Variants in ZC3H13 observed in about 807,000 individuals in gnomAD.
The protein encoded by ZC3H13 is zinc finger CCCH-type containing 13, also known as zinc finger CCCH domain-containing protein 13.
A neutral mutation model predicts 204.1 loss-of-function variants in ZC3H13; 64 were observed. The observed-to-expected ratio is 0.31, with a 90% confidence interval of 0.26 to 0.39. The LOEUF (loss-of-function observed/expected upper bound fraction) is 0.39. ZC3H13 is among the 10% of genes least tolerant of loss of function. The pLI, the probability that ZC3H13 is intolerant of heterozygous loss-of-function variation, is 1.00. For missense variants in ZC3H13, 1,833 were observed against 2,082.7 expected, an observed-to-expected ratio of 0.88 and a Z score of 2.33; for synonymous variants, 667 against 693.7, an observed-to-expected ratio of 0.96 and a Z score of 0.60.
rs138601991 is a variant in ZC3H13 at position 45,988,994 on chromosome 13, G to A, written c.1048C>T (p.Arg350Cys). The change falls in exon 9 of 19, where the codon CGT (arginine) becomes TGT (cysteine). Residue 350 changes from arginine (R) to cysteine (C), a missense_variant. Arg to Cys is a radical substitution (Grantham distance 180). Coordinates refer to ENST00000679008, the MANE Select transcript of ZC3H13 (RefSeq NM_001330564.2). ...SSIQRHSPSP[R>C]RKRTPSPSYQ... ...GATGGTGAAGGAGTTCTTTTTCGAC[G>A]AGGAGAAGGAGAATGTCTTTGAATA... 2.6e-4 allele frequency: 427 copies of A among 1,613,820 alleles called. No individual in the cohort carries two copies. Among genetic ancestry groups the A allele is most frequent in the Non-Finnish European group, 3.3e-4 (390 of 1,179,968 alleles).
At chr13:46,004,876 CTTT>C (rs1208756055) in intron 7 of ZC3H13, among the ~76,000 whole-genome samples, 1 of 152,038 alleles carries the variant, frequency 6.6e-6, no homozygotes, top group Non-Finnish European at 1.5e-5. Context: ...AAATTTTGTT[CTTT>C]AAGTGCCTCT....
intron 1 of ZC3H13, among the ~76,000 whole-genome samples, chr13:46,048,221 C>T (rs1165192451): frequency 6.6e-6 from 1 of 152,220 alleles, no homozygotes; most frequent in Non-Finnish European, 1.5e-5. Flanking sequence ...CTACTCTCCT[C>T]CCTTGACCTA....
intron 4 of ZC3H13, among the ~76,000 whole-genome samples, chr13:46,022,091 G>C (rs1457136151): frequency 6.6e-6 from 1 of 151,854 alleles, no homozygotes; most frequent in East Asian, 1.9e-4. Flanking sequence ...ATCAGATTTA[G>C]AGCCAGAAAT....
chr13:45,983,413 ATTTTTTTTTTTTTTTTT>A (rs1555277661), intron 10 of ZC3H13, among the ~76,000 whole-genome samples: 1 of 31,128 alleles, frequency 3.2e-5, no homozygotes, highest in Non-Finnish European at 4.9e-5. Context: ...ATATATATAT[ATTTTTTTTTTTTTTTTT>A]TTTTTTTTTT....
At chr13:45,958,552 T>G (rs1039382952) in intron 18 of ZC3H13, among the ~76,000 whole-genome samples, 5 of 152,174 alleles carry the variant, frequency 3.3e-5, no homozygotes, top group African/African-American at 7.2e-5. Context: ...GAGCATTTCC[T>G]TTGAGGGTCA....
rs1030610222 is a variant in ZC3H13 at position 46,017,675 on chromosome 13, T to C, written c.448+2774A>G. 1.2e-4 allele frequency among the ~76,000 whole-genome samples: 18 copies of C among 152,058 alleles called. 2 individuals carry two copies. The highest frequency in any genetic ancestry group is 1.1e-3 in the Admixed American group (17 of 15,258). On this transcript the variant is annotated intron_variant, in intron 5 of 18. Transcript: ENST00000679008. ...GTTATTTGGGGGTTCTGAAAAAGCATATAAAAGTGGCCTAAAAACCAGAAA... is the reference window on the plus strand; with the variant it reads ...GTTATTTGGGGGTTCTGAAAAAGCACATAAAAGTGGCCTAAAAACCAGAAA...
rs532757905 is a variant in ZC3H13, at chr13:45,956,289, A to G, written c.*838T>C. On this transcript the variant is annotated 3_prime_UTR_variant, in exon 19 of 19. Coordinates refer to ENST00000679008, the MANE Select transcript of ZC3H13 (RefSeq NM_001330564.2). ...TTCCAAGAAGATGCCTTAAGTATCA[A>G]TGAGCTATATTTGAAGTACATCAAC... is the stretch of plus-strand genomic sequence containing the variant. The G allele has an allele frequency of 7.8e-4, 119 of 152,290 alleles. No individual in the cohort carries two copies. In the Middle Eastern group the frequency reaches 0.01, roughly 13 times the overall value. 9.4% of individuals were successfully genotyped at this position (152,290 alleles called of 1,614,324 possible). A position where few individuals can be genotyped will look rare whatever the true frequency, so the allele number is the denominator to read the frequency against.
chr13:45,999,468 C>A (rs879904646), intron 8 of ZC3H13, among the ~76,000 whole-genome samples: 1 of 152,194 alleles, frequency 6.6e-6, no homozygotes, highest in African/African-American at 2.4e-5. Flanking sequence ...AAACCACTTT[C>A]TTTGTTCATC....
intron 4 of ZC3H13, among the ~76,000 whole-genome samples, chr13:46,041,265 G>C (rs2043561052): frequency 6.6e-6 from 1 of 152,026 alleles, no homozygotes. Flanking sequence ...ATAAAATACT[G>C]ATGCATCCCA....
chr13:46,021,486 T>C (rs768340635), intron 4 of ZC3H13, among the ~76,000 whole-genome samples: 5 of 150,632 alleles, frequency 3.3e-5, no homozygotes, highest in African/African-American at 4.9e-5. Flanking sequence ...TGCTCAAATT[T>C]CTTTCTGAGC....
intron 9 of ZC3H13, among the ~76,000 whole-genome samples, chr13:45,988,320 C>T (rs868172458): frequency 1.2e-4 from 19 of 152,056 alleles, no homozygotes; most frequent in South Asian, 8.3e-4. Context: ...TATGGTGGTG[C>T]GATCTTGGCT....
Position 46,006,384 on chromosome 13 carries a change from T to A in ZC3H13, c.747-3048A>T, listed in dbSNP as rs1250177281. Among the ~76,000 whole-genome samples the A allele has an allele frequency of 3.3e-5, 5 of 152,048 alleles. No homozygotes were observed. In the East Asian group the frequency reaches 9.7e-4, roughly 29 times the overall value. Reference sequence around the variant, plus strand: ...AATAAAATAAAATAAAATAAAAATATAGTTGTTCACAGTTTTTTTCCCATA... The same window carrying A: ...AATAAAATAAAATAAAATAAAAATAAAGTTGTTCACAGTTTTTTTCCCATA... On this transcript the variant is annotated intron_variant, in intron 7 of 18. Coordinates refer to ENST00000679008, the MANE Select transcript of ZC3H13 (RefSeq NM_001330564.2).
rs372298619 is a variant in ZC3H13, at chr13:45,969,573, C to T, written c.2971G>A (p.Val991Ile). 1.9e-6 allele frequency: 3 copies of T among 1,610,418 alleles called. No individual in the cohort carries two copies. The highest frequency in any genetic ancestry group is 2.5e-6 in the Non-Finnish European group (3 of 1,179,196). ...NIETTSEDGQ[V>I]FSPKKGQKKK... ...TTCTGTCCTTTTTTTGGTGAAAATA[C>T]TTGACCATCTTCAGATGTTGTCTCT... The change falls in exon 14 of 19, where the codon GTA becomes ATA. Residue 991 changes from valine to isoleucine, a missense_variant. Transcript: ENST00000679008.
At chr13:45,998,243 G>A (rs1280163907) in intron 8 of ZC3H13, among the ~76,000 whole-genome samples, 2 of 152,100 alleles carry the variant, frequency 1.3e-5, no homozygotes, top group African/African-American at 4.8e-5. Flanking sequence ...CCACAATAAA[G>A]CAAATATCAC....
chr13:45,962,842 G>A lies in ZC3H13; in HGVS notation c.4675+1000C>T, dbSNP rs1373201894. The A allele has an allele frequency of 7.1e-6, 7 of 984,062 alleles. No individual in the cohort carries two copies. The East Asian group carries it at 4.6e-4, about 64-fold the overall frequency. The allele number at this position is 984,062 out of a possible 1,614,324, so 61.0% of individuals were successfully genotyped here. A position where few individuals can be genotyped will look rare whatever the true frequency, so the allele number is the denominator to read the frequency against. On this transcript the variant is annotated intron_variant, in intron 17 of 18. Transcript: ENST00000679008. ...TTTTCCTTCTTTTTACCATCTACTC[G>A]TCCCTCCCCATTAATAAAGTATTAG...
chr13:45,964,100 C>G, intron 16 of ZC3H13, 58 bp from the exon 17 acceptor site: 1 of 1,465,924 alleles, frequency 6.8e-7, no homozygotes, highest in Non-Finnish European at 9.4e-7. Flanking sequence ...GTCTTGTTAT[C>G]TACATAGACA....
At chr13:46,007,532 C>G (rs1052133289) in intron 7 of ZC3H13, among the ~76,000 whole-genome samples, 1 of 152,096 alleles carries the variant, frequency 6.6e-6, no homozygotes, top group Non-Finnish European at 1.5e-5. Flanking sequence ...GTTAAACCAC[C>G]GACATTTTGG....
intron 15 of ZC3H13, among the ~76,000 whole-genome samples, chr13:45,966,430 A>G (rs903367661): frequency 6.6e-6 from 1 of 152,186 alleles, no homozygotes; most frequent in African/African-American, 2.4e-5. Flanking sequence ...ATCTAAACAT[A>G]AATGCACATA....
chr13:46,041,752 C>T (rs2043602380), intron 4 of ZC3H13, among the ~76,000 whole-genome samples: 1 of 152,220 alleles, frequency 6.6e-6, no homozygotes, highest in South Asian at 2.1e-4. Context: ...CTTTCTAGTG[C>T]AGTTTGTTAA....
Sources: gnomAD v4.1 joint callset for allele counts (sites outside exome capture counted in the v4.1 genomes callset) on GRCh38, gnomAD v4.1.1 for gene constraint, MANE v1.5 for transcripts, NCBI Gene and HGNC (gene_info 2026-07-23, HGNC 2026-07-21) for gene names.